Variants in MINAR1 observed in about 807,000 individuals in gnomAD.
The protein encoded by MINAR1 is membrane integral NOTCH2 associated receptor 1.
A neutral mutation model predicts 65.1 loss-of-function variants in MINAR1; 40 were observed. That is an observed-to-expected ratio of 0.61 (90% CI 0.48 to 0.80). MINAR1 has a LOEUF of 0.80. Ranked by LOEUF, MINAR1 falls within the 30% of genes least tolerant of loss-of-function variation. The pLI, the probability that MINAR1 is intolerant of heterozygous loss-of-function variation, is 0.00. For synonymous variants in MINAR1, 482 were observed against 449.1 expected (o/e 1.07, Z -0.93); for missense variants, 1,128 against 1,148.0 (o/e 0.98, Z 0.25).
chr15:79,418,699 G>A, the MINAR1 span: 1 of 152,500 alleles, frequency 6.6e-6, no homozygotes, highest in African/African-American at 2.4e-5. Flanking sequence ...GCAAAAGCTG[G>A]GGGCAGGAGG....
chr15:79,450,689 T>G (rs530302881), intron 1 of MINAR1, among the ~76,000 whole-genome samples: 2 of 152,282 alleles, frequency 1.3e-5, no homozygotes, highest in African/African-American at 2.4e-5. Context: ...AATGAGAAAC[T>G]AAAAGTCTTT....
chr15:79,446,671 T>TATA (rs1448229099), intron 1 of MINAR1, among the ~76,000 whole-genome samples: 7 of 152,130 alleles, frequency 4.6e-5, no homozygotes, highest in Admixed American at 1.3e-4. Flanking sequence ...TAAGGGTGAG[T>TATA]TCATTATTTA....
At chr15:79,463,402 G>A in intron 3 of MINAR1, 81 bp downstream of exon 3, 1 of 1,547,506 alleles carries the variant, frequency 6.5e-7, no homozygotes, top group Non-Finnish European at 8.8e-7. Flanking sequence ...GGACGGCTTA[G>A]ACCGGCCAGC....
intron 1 of MINAR1, among the ~76,000 whole-genome samples, chr15:79,440,245 T>C (rs1894833594): frequency 6.6e-6 from 1 of 152,026 alleles, no homozygotes; most frequent in African/African-American, 2.4e-5. Context: ...CTGTTGTGAG[T>C]TTCCCGCATA....
chr15:79,456,358 T>C lies in MINAR1; in HGVS notation c.211T>C (p.Cys71Arg), dbSNP rs1309621469. ...PATLFKDKMK[C>R]TVNNQQSKKI... ...CACGCTATTCAAAGACAAGATGAAA[T>C]GCACTGTGAATAACCAGCAATCAAA... Residue 71 changes from cysteine (C) to arginine (R), a missense_variant, in exon 2 of 4, where the codon TGC becomes CGC. Transcript: ENST00000305428. The C allele has an allele frequency of 8.7e-6, 14 of 1,614,076 alleles. No individual in the cohort carries two copies. The highest frequency in any genetic ancestry group is 1.1e-5 in the Non-Finnish European group (13 of 1,180,044).
rs111238536 is a variant in MINAR1 at position 79,464,879 on chromosome 15, C to T, written c.2553+1558C>T. ...CTAGACAGGGATTTGATTCTCCCTC[C>T]GGTGGAATATTTCATGATTCTCCCT... On this transcript the variant is annotated intron_variant, in intron 3 of 3. Transcript: ENST00000305428. Among the ~76,000 whole-genome samples the T allele has an allele frequency of 4.2e-3, 549 of 130,430 alleles. 3 individuals are homozygous for T. The highest frequency in any genetic ancestry group is 0.016 in the African/African-American group (525 of 32,174). The allele number at this position is 130,430 out of a possible 152,430, so 85.6% of individuals were successfully genotyped here. A position where few individuals can be genotyped will look rare whatever the true frequency, so the allele number is the denominator to read the frequency against.
intron 1 of MINAR1, among the ~76,000 whole-genome samples, chr15:79,454,386 T>A (rs995798622): frequency 2.0e-5 from 3 of 152,236 alleles, no homozygotes; most frequent in Admixed American, 6.5e-5. Flanking sequence ...AAAGAAAATA[T>A]ACTATTCCCT....
upstream of MINAR1, among the ~76,000 whole-genome samples, chr15:79,428,708 C>CAA (rs1192949328): frequency 1.3e-5 from 2 of 152,148 alleles, no homozygotes; most frequent in African/African-American, 4.8e-5. Flanking sequence ...GAAACTATCT[C>CAA]AAGTTTACCT....
chr15:79,468,427 C>T lies in MINAR1; in HGVS notation c.*43C>T. 5.1e-6 allele frequency: 8 copies of T among 1,553,786 alleles called. No homozygotes were observed. Among genetic ancestry groups the T allele is most frequent in the East Asian group, 2.3e-5 (1 of 44,142 alleles). On this transcript the variant is annotated 3_prime_UTR_variant, in exon 4 of 4. Coordinates refer to ENST00000305428, the MANE Select transcript of MINAR1 (RefSeq NM_015206.3). ...ACGTACAGCTTATGACTACCAATGT[C>T]GTCGTCTGTATCTTAGAATCTTGCA...
Position 79,457,369 on chromosome 15 carries a change from C to G in MINAR1, c.1222C>G (p.Pro408Ala). Residue 408 changes from proline (P) to alanine (A), a missense_variant, in exon 2 of 4, where the codon CCA (proline) becomes GCA (alanine). Transcript: ENST00000305428. ...ASSQTPNFPA[P>A]ERRPTYLVPK... ...TAGCCAGACCCCCAATTTCCCAGCCCCAGAAAGGCGCCCAACTTACCTTGT... is the reference window on the plus strand; with the variant it reads ...TAGCCAGACCCCCAATTTCCCAGCCGCAGAAAGGCGCCCAACTTACCTTGT... The G allele has an allele frequency of 6.2e-7, 1 of 1,614,212 alleles. No homozygotes were observed. Among genetic ancestry groups the G allele is most frequent in the Non-Finnish European group, 8.5e-7 (1 of 1,180,048 alleles).
chr15:79,451,063 G>C (rs1266631200), intron 1 of MINAR1, among the ~76,000 whole-genome samples: 1 of 152,202 alleles, frequency 6.6e-6, no homozygotes, highest in Non-Finnish European at 1.5e-5. Flanking sequence ...GCCCAGGTCT[G>C]TGGGCCCCTG....
intron 1 of MINAR1, among the ~76,000 whole-genome samples, chr15:79,452,685 T>C (rs545215296): frequency 3.1e-4 from 36 of 114,826 alleles, no homozygotes; most frequent in African/African-American, 1.4e-3. Context: ...AGTCTGGGTG[T>C]GTGTGTGTGG....
chr15:79,463,199 C>G lies in MINAR1; in HGVS notation c.2431C>G (p.Leu811Val), dbSNP rs1567061474. ...CAAGGCCCACATGAAGAGCAACCCC[C>G]TGTACACAGACATGCGGCTGACCGA... is the stretch of plus-strand genomic sequence containing the variant. ...SLKAHMKSNP[L>V]YTDMRLTELA... Residue 811 changes from leucine to valine, a missense_variant, in exon 3 of 4, where the codon CTG becomes GTG. By Grantham distance (32) the Leu-to-Val change is conservative. Coordinates refer to ENST00000305428, the MANE Select transcript of MINAR1 (RefSeq NM_015206.3). 1 of 1,614,242 alleles carries G rather than the reference C, an allele frequency of 6.2e-7. No homozygotes were observed. The highest frequency in any genetic ancestry group is 1.7e-5 in the Admixed American group (1 of 60,030).
chr15:79,434,973 A>G (rs1424410918), intron 1 of MINAR1, among the ~76,000 whole-genome samples: 1 of 152,198 alleles, frequency 6.6e-6, no homozygotes, highest in East Asian at 1.9e-4. Flanking sequence ...TTTAAATTAA[A>G]TCTTTTATAA....
At chr15:79,446,771 A>G (rs193124246) in intron 1 of MINAR1, among the ~76,000 whole-genome samples, 1 of 152,262 alleles carries the variant, frequency 6.6e-6, no homozygotes, top group East Asian at 1.9e-4. Flanking sequence ...CACTTTTATC[A>G]TCTTTCTGCC....
chr15:79,441,826 TAGAA>T (rs140067427), intron 1 of MINAR1, among the ~76,000 whole-genome samples: 3,580 of 152,160 alleles, frequency 0.024, 133 homozygotes, highest in African/African-American at 0.08. Flanking sequence ...CTTTTCCACT[TAGAA>T]AGAAAACATT....
At chr15:79,446,163 T>C (rs1279510474) in intron 1 of MINAR1, among the ~76,000 whole-genome samples, 1 of 152,154 alleles carries the variant, frequency 6.6e-6, no homozygotes, top group Non-Finnish European at 1.5e-5. Flanking sequence ...TAATAATTAC[T>C]CATAACTTTT....
chr15:79,435,418 T>G (rs1054571952), intron 1 of MINAR1, among the ~76,000 whole-genome samples: 2 of 152,296 alleles, frequency 1.3e-5, no homozygotes, highest in African/African-American at 4.8e-5. Context: ...ACTGGAAGCT[T>G]CTCTCTGCAA....
At chr15:79,442,525 T>C (rs1894898683) in intron 1 of MINAR1, among the ~76,000 whole-genome samples, 1 of 149,420 alleles carries the variant, frequency 6.7e-6, no homozygotes, top group Admixed American at 6.7e-5. Flanking sequence ...AATTCTTAGA[T>C]AATTAACTTA....
Sources: gnomAD v4.1 joint callset for allele counts (sites outside exome capture counted in the v4.1 genomes callset) on GRCh38, gnomAD v4.1.1 for gene constraint, MANE v1.5 for transcripts, NCBI Gene and HGNC (gene_info 2026-07-23, HGNC 2026-07-21) for gene names.